The following ACYP2 variants were observed in gnomAD, a reference collection of about 807,000 sequenced individuals.
ACYP2 encodes acylphosphatase 2.
ACYP2 carries 12 observed loss-of-function variants against 11.2 expected under a neutral mutation model. That is an observed-to-expected ratio of 1.08 (90% CI 0.69 to 1.74). ACYP2 has a LOEUF of 1.74. ACYP2 is among the 40% of genes most tolerant of loss of function. The pLI is 0.00. For synonymous variants in ACYP2, 43 were observed against 32.2 expected (o/e 1.33, Z -1.13); for missense variants, 134 against 101.9 (o/e 1.31, Z -1.35).
At chr2:54,090,497 GGC>G (rs1678168251) in intron 4 of ACYP2, among the ~76,000 whole-genome samples, 1 of 152,178 alleles carries the variant, frequency 6.6e-6, no homozygotes, top group Non-Finnish European at 1.5e-5. Flanking sequence ...TGGGCGGGGT[GGC>G]GTGCGCCTGG....
intron 6 of ACYP2, among the ~76,000 whole-genome samples, chr2:54,188,823 A>G (rs888065593): frequency 7.2e-5 from 11 of 152,128 alleles, no homozygotes; most frequent in South Asian, 4.1e-4. Flanking sequence ...TGCCAGCAGC[A>G]CTGGCGTAGG....
chr2:54,294,917 TA>T lies in ACYP2; in HGVS notation c.405-9760del, dbSNP rs34195032. On this transcript the variant is annotated intron_variant, in intron 6 of 6. Coordinates refer to ENST00000607452, the MANE Select transcript of ACYP2 (RefSeq NM_001320586.2). ...GGTGACAGAGTAAGATCCTGTCTCT[TA>T]AAAAAAAAAAGAGTAAAATATCCTG... is the stretch of plus-strand genomic sequence containing the variant. Among the ~76,000 whole-genome samples, 25 of 147,708 alleles carry T rather than the reference TA, an allele frequency of 1.7e-4. No homozygotes were observed. In the Middle Eastern group the frequency reaches 0.01, roughly 61 times the overall value.
intron 4 of ACYP2, among the ~76,000 whole-genome samples, chr2:54,131,744 C>A (rs1266270712): frequency 6.6e-6 from 1 of 152,120 alleles, no homozygotes; most frequent in Non-Finnish European, 1.5e-5. Context: ...GCAATTCTTA[C>A]CTGAAATATA....
intron 2 of ACYP2, among the ~76,000 whole-genome samples, chr2:53,982,352 A>G (rs1463680029): frequency 6.6e-6 from 1 of 152,230 alleles, no homozygotes; most frequent in African/African-American, 2.4e-5. Context: ...ATAATATATC[A>G]AATCCCTAGT....
At chr2:54,045,465 A>G (rs1239769683) in intron 2 of ACYP2, among the ~76,000 whole-genome samples, 1 of 152,204 alleles carries the variant, frequency 6.6e-6, no homozygotes, top group Non-Finnish European at 1.5e-5. Flanking sequence ...CAGGCTAATT[A>G]AAAGAGAGGT....
intron 6 of ACYP2, among the ~76,000 whole-genome samples, chr2:54,158,078 T>G (rs1004453412): frequency 1.3e-5 from 2 of 151,832 alleles, no homozygotes; most frequent in African/African-American, 4.8e-5. Context: ...CAGGCTGGAG[T>G]GCAATGACAG....
At chr2:54,299,523 C>T (rs373794701) in intron 6 of ACYP2, among the ~76,000 whole-genome samples, 13 of 146,606 alleles carry the variant, frequency 8.9e-5, no homozygotes, top group South Asian at 6.4e-4. Flanking sequence ...ACTTGGGAGG[C>T]GGAGATTGCA....
At chr2:54,030,020 A>G (rs999373217) in intron 2 of ACYP2, among the ~76,000 whole-genome samples, 5 of 152,172 alleles carry the variant, frequency 3.3e-5, no homozygotes, top group African/African-American at 1.2e-4. Flanking sequence ...AAAGTGTTAC[A>G]ATTTTCTTAG....
At chr2:54,019,133 C>T (rs1200587866) in intron 2 of ACYP2, among the ~76,000 whole-genome samples, 1 of 151,718 alleles carries the variant, frequency 6.6e-6, no homozygotes. Context: ...GTGGCACAAT[C>T]ATGGCTCACT....
chr2:54,125,768 C>G (rs1221568937), intron 4 of ACYP2, among the ~76,000 whole-genome samples: 1 of 121,734 alleles, frequency 8.2e-6, no homozygotes, highest in African/African-American at 3.6e-5. Context: ...AAAAACAAAA[C>G]TAGTTTTTAA....
intron 4 of ACYP2, among the ~76,000 whole-genome samples, chr2:54,069,332 C>T (rs892231647): frequency 1.3e-5 from 2 of 152,032 alleles, no homozygotes; most frequent in African/African-American, 4.8e-5. Flanking sequence ...CCCTACTTTC[C>T]CAAGAACTTG....
chr2:54,255,531 G>A, intron 6 of ACYP2: 1 of 1,613,838 alleles, frequency 6.2e-7, no homozygotes, highest in Non-Finnish European at 8.5e-7. Flanking sequence ...CCAGCTGGAT[G>A]GACTCCAGGG....
At chr2:53,987,507 A>T (rs566799006) in intron 2 of ACYP2, among the ~76,000 whole-genome samples, 1 of 152,304 alleles carries the variant, frequency 6.6e-6, no homozygotes, top group Admixed American at 6.5e-5. Flanking sequence ...CCAGGGGTGC[A>T]ATTTCTGGGT....
chr2:54,135,180 G>T (rs1056114078), intron 4 of ACYP2, among the ~76,000 whole-genome samples: 2 of 152,184 alleles, frequency 1.3e-5, no homozygotes, highest in Non-Finnish European at 1.5e-5. Flanking sequence ...CTACAGTGTG[G>T]ATCTGCTGGA....
At chr2:54,231,371 C>T (rs769244062) in intron 6 of ACYP2, among the ~76,000 whole-genome samples, 4 of 152,158 alleles carry the variant, frequency 2.6e-5, no homozygotes, top group Non-Finnish European at 4.4e-5. Flanking sequence ...AAGAAAAATA[C>T]TAAGATATAG....
intron 2 of ACYP2, chr2:54,029,682 T>C (rs1331673327): frequency 2.0e-6 from 1 of 499,588 alleles, no homozygotes; most frequent in African/African-American, 2.0e-5. Flanking sequence ...CTTAAAGTGC[T>C]TAATACCCAC....
At chr2:54,184,900 G>A (rs1683905166) in intron 6 of ACYP2, among the ~76,000 whole-genome samples, 1 of 150,136 alleles carries the variant, frequency 6.7e-6, no homozygotes, top group African/African-American at 2.5e-5. Flanking sequence ...AGGCTGGAGT[G>A]CAGTGGCACC....
In ACYP2 at chr2:54,265,958, G is replaced by A. The variant is rs148141353; in HGVS notation, c.405-38730G>A. ...AATAGAGAATACCCCTTCTTTTCAC[G>A]TGCCCATTGGACATTCACAAAAATT... On this transcript the variant is annotated intron_variant, in intron 6 of 6. Transcript: ENST00000607452. 2.3e-4 allele frequency among the ~76,000 whole-genome samples: 35 copies of A among 152,108 alleles called. No homozygotes were observed. In the East Asian group the frequency reaches 4.6e-3, roughly 20 times the overall value.
At chr2:54,160,794 G>C (rs1022154044) in intron 6 of ACYP2, among the ~76,000 whole-genome samples, 3 of 152,170 alleles carry the variant, frequency 2.0e-5, no homozygotes, top group Non-Finnish European at 4.4e-5. Flanking sequence ...TTTCAGGCCA[G>C]GGAGTGACAC....
Sources: gnomAD v4.1 joint callset for allele counts (sites outside exome capture counted in the v4.1 genomes callset) on GRCh38, gnomAD v4.1.1 for gene constraint, MANE v1.5 for transcripts, NCBI Gene and HGNC (gene_info 2026-07-23, HGNC 2026-07-21) for gene names.